CDK2AP2: variants seen among roughly 807,000 people sequenced by gnomAD.
The protein encoded by CDK2AP2 is cyclin-dependent kinase 2-associated protein 2.
A neutral mutation model predicts 13.0 loss-of-function variants in CDK2AP2; 1 was observed. The observed-to-expected ratio is 0.08, with a 90% CI of 0.03 to 0.37. CDK2AP2 has a LOEUF of 0.37. CDK2AP2 is among the 10% of genes least tolerant of loss of function. The pLI is 0.99. For missense variants in CDK2AP2, 129 were observed against 175.8 expected, an observed-to-expected ratio of 0.73 and a Z score of 1.50; for synonymous variants, 76 against 73.0, an observed-to-expected ratio of 1.04 and a Z score of -0.21.
At position 67,507,635 on chromosome 11, in the gene CDK2AP2, G is replaced by A. The variant is rs537044885; in HGVS notation, c.137C>T (p.Pro46Leu). 3.7e-5 allele frequency: 60 copies of A among 1,613,472 alleles called. No homozygotes were observed. The East Asian group carries it at 9.6e-4, about 26-fold the overall frequency. ...AGGCGGTCCAAAGTCGTTAAACAGCGGTCTGAAAGGAGCGCCGGCTCCTGG... is the reference window on the plus strand; with the variant it reads ...AGGCGGTCCAAAGTCGTTAAACAGCAGTCTGAAAGGAGCGCCGGCTCCTGG... ...SVPGAGAPFR[P>L]LFNDFGPPSM... Residue 46 changes from proline to leucine, a missense_variant, in exon 2 of 4, where the codon CCG (proline) becomes CTG (leucine). Around this residue, in one of 2 missense-constraint regions of CDK2AP2, gnomAD observed 98 missense variants for 99.7 expected, o/e 0.98. Coordinates refer to ENST00000301488, the MANE Select transcript of CDK2AP2 (RefSeq NM_005851.5).
chr11:67,507,952 G>C (rs1263993762), intron 1 of CDK2AP2, 49 bp downstream of exon 1: 2 of 1,549,336 alleles, frequency 1.3e-6, no homozygotes, highest in Non-Finnish European at 1.7e-6. Flanking sequence ...TCTTCTCTTC[G>C]AGACCTCGAC....
Position 67,508,007 on chromosome 11 carries a change from G to A in CDK2AP2, c.76C>T (p.Pro26Ser), listed in dbSNP as rs754144320. 3.2e-6 allele frequency: 5 copies of A among 1,544,274 alleles called. No individual in the cohort carries two copies. Among genetic ancestry groups the A allele is most frequent in the Admixed American group, 4.1e-5 (2 of 48,336 alleles). The change falls in exon 1 of 4, where the codon CCT becomes TCT. Residue 26 changes from proline to serine, a missense_variant. Pro to Ser is a moderately conservative substitution (Grantham distance 74, BLOSUM62 -1). Transcript: ENST00000301488. ...GGTGGAGCTGGATCCTCACCTGTAG[G>A]GACCGGGGTGCCCGGCCCAGGGGTG... ...SSTPGPGTPV[P>S]TGSVPSPSGS...
chr11:67,507,303 C>T (rs752678265), intron 3 of CDK2AP2, 62 bp downstream of exon 3: 17 of 1,602,364 alleles, frequency 1.1e-5, no homozygotes, highest in Admixed American at 3.3e-5. Flanking sequence ...GATGTCCTTC[C>T]TTCCCTCATG....
chr11:67,507,597 C>T lies in CDK2AP2; in HGVS notation c.175G>A (p.Val59Met), dbSNP rs780576789. The change falls in exon 2 of 4, where the codon GTG becomes ATG. Residue 59 changes from valine (V) to methionine (M), a missense_variant. Physicochemically the swap from Val to Met is conservative, Grantham distance 21. This residue lies in a region of CDK2AP2 where 98 missense variants were observed against 99.7 expected (regional missense o/e 0.98). Transcript: ENST00000301488. ...NDFGPPSMGYVQAMKPPGAQG... is the reference protein window; with the variant it reads ...NDFGPPSMGYMQAMKPPGAQG... ...AAGGCTTTGGCCCCACTCACCTGCA[C>T]GTAGCCCATGGAAGGCGGTCCAAAG... The T allele has an allele frequency of 6.2e-7, 1 of 1,613,612 alleles. No individual in the cohort carries two copies. Among genetic ancestry groups the T allele is most frequent in the Non-Finnish European group, 8.5e-7 (1 of 1,180,012 alleles).
Position 67,507,441 on chromosome 11 carries a change from T to G in CDK2AP2, c.237A>C (p.Ser79=). The change falls in exon 3 of 4, where the codon TCA becomes TCC. Residue 79 remains serine (S), a synonymous_variant. Transcript: ENST00000301488. ...TCTCTTTGCCCATCTCCTCTATGAC[T>G]GACAGCAGGTCCGTGTAGGTGCTCT... ...GSQSTYTDLL[S]VIEEMGKEIR... 6.2e-7 allele frequency: 1 copy of G among 1,613,902 alleles called. No homozygotes were observed. The highest frequency in any genetic ancestry group is 8.5e-7 in the Non-Finnish European group (1 of 1,180,010).
rs1157121934 is a variant in CDK2AP2, at chr11:67,508,023, C to CCCAGGGGTGCTGGAG, written c.45_59dup (p.Ser16_Gly20dup). On this transcript the variant is annotated inframe_insertion, in exon 1 of 4. Transcript: ENST00000301488. ...CACCTGTAGGGACCGGGGTGCCCGG[C>CCCAGGGGTGCTGGAG]CCAGGGGTGCTGGAGCCAGGGGTGC... 5.9e-6 allele frequency: 9 copies of CCCAGGGGTGCTGGAG among 1,537,770 alleles called. No homozygotes were observed. The highest frequency in any genetic ancestry group is 7.9e-6 in the Non-Finnish European group (9 of 1,143,308).
chr11:67,507,947 T>C, intron 1 of CDK2AP2, 54 bp downstream of exon 1: 4 of 1,549,444 alleles, frequency 2.6e-6, no homozygotes, highest in Non-Finnish European at 3.5e-6. Flanking sequence ...GGCCGTCTTC[T>C]CTTCGAGACC....
Position 67,508,146 on chromosome 11 carries a change from T to G in CDK2AP2, c.-64A>C. The stretch of plus-strand genomic sequence containing the variant: ...CCTCGGGGGTTGGCTGCGGGGCCGC[T>G]CAGCCGCGCTCTGATTGGCAAGCGG... On this transcript the variant is annotated 5_prime_UTR_variant, in exon 1 of 4. Transcript: ENST00000301488. The G allele has an allele frequency of 7.0e-7, 1 of 1,424,810 alleles. No individual in the cohort carries two copies. Among genetic ancestry groups the G allele is most frequent in the Non-Finnish European group, 9.1e-7 (1 of 1,093,686 alleles). 88.3% of individuals were successfully genotyped at this position (1,424,810 alleles called of 1,614,324 possible).
In CDK2AP2 at chr11:67,506,948, C is replaced by A. The variant is rs386464288; in HGVS notation, c.378G>T (p.Thr126=). The stretch of plus-strand genomic sequence containing the variant: ...GCTGAGGCCGAGGCGCTTCCTGTTA[C>A]GTGCGGGCGTTCCGCTCTGTCTCTG... ...CLAETERNAR[T] The change falls in exon 4 of 4, where the codon ACG becomes ACT. Residue 126 remains threonine (T), a synonymous_variant. Coordinates refer to ENST00000301488, the MANE Select transcript of CDK2AP2 (RefSeq NM_005851.5). 6.4e-7 allele frequency: 1 copy of A among 1,553,664 alleles called. No individual in the cohort carries two copies. The highest frequency in any genetic ancestry group is 8.7e-7 in the Non-Finnish European group (1 of 1,148,474).
rs765859666 is a variant in CDK2AP2, at chr11:67,508,124, CG to C, written c.-43del. The C allele has an allele frequency of 1.2e-5, 17 of 1,441,530 alleles. No homozygotes were observed. The South Asian group carries it at 1.8e-4, about 15-fold the overall frequency. The allele number at this position is 1,441,530 out of a possible 1,614,324, so 89.3% of individuals were successfully genotyped here. ...CGGCGGACGCCAGCCGGCCGCTCCTCGGGGGTTGGCTGCGGGGCCGCTCAGC... is the reference window on the plus strand; with the variant it reads ...CGGCGGACGCCAGCCGGCCGCTCCTCGGGGTTGGCTGCGGGGCCGCTCAGC... On this transcript the variant is annotated 5_prime_UTR_variant, in exon 1 of 4. Transcript: ENST00000301488.
rs1488768379 is a variant in CDK2AP2 at position 67,506,912 on chromosome 11, T to A, written c.*33A>T. 1 of 1,534,560 alleles carries A rather than the reference T, an allele frequency of 6.5e-7. No individual in the cohort carries two copies. The highest frequency in any genetic ancestry group is 1.2e-5 in the South Asian group (1 of 83,742). On this transcript the variant is annotated 3_prime_UTR_variant, in exon 4 of 4. Transcript: ENST00000301488. ...AAGCGGGTGCTCTGCAGTGGCCGGA[T>A]AGGTCCAGACGCTGAGGCCGAGGCG...
At chr11:67,507,195 T>A (rs1192913802) in intron 3 of CDK2AP2, 170 bp downstream of exon 3, 1 of 856,128 alleles carries the variant, frequency 1.2e-6, no homozygotes. Flanking sequence ...CAAATTCCCA[T>A]GCTCTTCCCT....
chr11:67,507,486 T>G lies in CDK2AP2; in HGVS notation c.192A>C (p.Pro64=), dbSNP rs781479812. ...PSMGYVQAMK[P]PGAQGSQSTY... ...TGCTCTGGGAGCCCTGGGCGCCGGGTGGCTTCATCGCCTATGTCAAAAGAG... is the reference window on the plus strand; with the variant it reads ...TGCTCTGGGAGCCCTGGGCGCCGGGGGGCTTCATCGCCTATGTCAAAAGAG... Residue 64 remains proline, a synonymous_variant, in exon 3 of 4, where the codon CCA becomes CCC. Coordinates refer to ENST00000301488, the MANE Select transcript of CDK2AP2 (RefSeq NM_005851.5). The G allele has an allele frequency of 1.2e-6, 2 of 1,613,648 alleles. No homozygotes were observed. Among genetic ancestry groups the G allele is most frequent in the Non-Finnish European group, 1.7e-6 (2 of 1,180,010 alleles).
Position 67,508,113 on chromosome 11 carries a change from C to CGGCCGCTCCTCGGGGGTTGGCTGCGG in CDK2AP2, c.-57_-32dup. ...ACTCCTGGGCGCGGCGGACGCCAGC[C>CGGCCGCTCCTCGGGGGTTGGCTGCGG]GGCCGCTCCTCGGGGGTTGGCTGCG... On this transcript the variant is annotated 5_prime_UTR_variant, in exon 1 of 4. Transcript: ENST00000301488. 5 of 1,449,096 alleles carry CGGCCGCTCCTCGGGGGTTGGCTGCGG rather than the reference C, an allele frequency of 3.5e-6. No homozygotes were observed. Among genetic ancestry groups the CGGCCGCTCCTCGGGGGTTGGCTGCGG allele is most frequent in the Non-Finnish European group, 3.6e-6 (4 of 1,102,622 alleles). 89.8% of individuals were successfully genotyped at this position (1,449,096 alleles called of 1,614,324 possible). A position where few individuals can be genotyped will look rare whatever the true frequency, so the allele number is the denominator to read the frequency against.
Position 67,507,247 on chromosome 11 carries a change from G to A in CDK2AP2, c.313+118C>T, listed in dbSNP as rs563213107. ...TCAATTCGATTCAAAACACCTCTCT[G>A]GTAGTAATACTGGACATCCTCTAGG... is the stretch of plus-strand genomic sequence containing the variant. On this transcript the variant is annotated intron_variant, in intron 3 of 3. Coordinates refer to ENST00000301488, the MANE Select transcript of CDK2AP2 (RefSeq NM_005851.5). The A allele has an allele frequency of 1.3e-4, 154 of 1,162,596 alleles. No individual in the cohort carries two copies. In the African/African-American group the frequency reaches 2.0e-3, roughly 15 times the overall value. 72.0% of individuals were successfully genotyped at this position (1,162,596 alleles called of 1,614,324 possible).
Position 67,507,660 on chromosome 11 carries a change from G to C in CDK2AP2, c.112C>G (p.Pro38Ala), listed in dbSNP as rs555447011. The stretch of plus-strand genomic sequence containing the variant: ...GGTCTGAAAGGAGCGCCGGCTCCTG[G>C]CACTGAGCCCGACGGCGACGGGACG... ...GSVPSPSGSV[P>A]GAGAPFRPLF... is the part of the protein sequence containing the mutation. Residue 38 changes from proline to alanine, a missense_variant, in exon 2 of 4, where the codon CCA (proline) becomes GCA (alanine). This residue lies in a region of CDK2AP2 where 98 missense variants were observed against 99.7 expected (regional missense o/e 0.98). Transcript: ENST00000301488. 2 of 1,613,230 alleles carry C rather than the reference G, an allele frequency of 1.2e-6. No individual in the cohort carries two copies. Among genetic ancestry groups the C allele is most frequent in the Admixed American group, 1.7e-5 (1 of 60,028 alleles).
Position 67,507,580 on chromosome 11 carries a change from G to A in CDK2AP2, c.180+12C>T. ...AGTCCGCATCCATAAGCAAGGCTTT[G>A]GCCCCACTCACCTGCACGTAGCCCA... On this transcript the variant is annotated intron_variant, in intron 2 of 3. Coordinates refer to ENST00000301488, the MANE Select transcript of CDK2AP2 (RefSeq NM_005851.5). 2 of 1,613,600 alleles carry A rather than the reference G, an allele frequency of 1.2e-6. No individual in the cohort carries two copies. The highest frequency in any genetic ancestry group is 1.7e-6 in the Non-Finnish European group (2 of 1,179,968).
intron 1 of CDK2AP2, 151 bp from the exon 2 acceptor site, chr11:67,507,840 C>T (rs1221294213): frequency 1.2e-5 from 18 of 1,537,360 alleles, no homozygotes; most frequent in Middle Eastern, 3.3e-4. Context: ...TCCCACTGCG[C>T]TCCACCTACA....
At position 67,508,091 on chromosome 11, in the gene CDK2AP2, CCT is replaced by C; in HGVS notation, c.-11_-10del. On this transcript the variant is annotated 5_prime_UTR_variant, in exon 1 of 4. Transcript: ENST00000301488. ...ATGGGTTTGTAGGACATCCCCAACT[CCT>C]GGGCGCGGCGGACGCCAGCCGGCCG... is the stretch of plus-strand genomic sequence containing the variant. 1 of 1,465,772 alleles carries C rather than the reference CCT, an allele frequency of 6.8e-7. No individual in the cohort carries two copies. Among genetic ancestry groups the C allele is most frequent in the Non-Finnish European group, 9.0e-7 (1 of 1,109,294 alleles). The allele number at this position is 1,465,772 out of a possible 1,614,324, so 90.8% of individuals were successfully genotyped here.
Sources: gnomAD v4.1 joint callset for allele counts on GRCh38, gnomAD v4.1.1 for gene constraint, gnomAD v4.1.1 regional missense constraint, MANE v1.5 for transcripts, NCBI Gene and HGNC (gene_info 2026-07-23, HGNC 2026-07-21) for gene names.